APP: variants seen among roughly 807,000 people sequenced by gnomAD.
APP encodes the protein amyloid beta precursor protein.
APP carries 31 observed loss-of-function variants against 101.4 expected under a neutral mutation model. That is an observed-to-expected ratio of 0.31 (90% confidence interval 0.23 to 0.41). The LOEUF (loss-of-function observed/expected upper bound fraction) is 0.41, where lower values mean the gene tolerates loss of function less well. Among genes scored for constraint, APP ranks in the 10% least tolerant of loss-of-function variants. The probability of loss-of-function intolerance (pLI) is 1.00; values close to 1 mark genes in which losing one functional copy is unlikely to be tolerated. For synonymous variants in APP, 366 were observed against 364.4 expected (o/e 1.00, Z -0.05); for missense variants, 839 against 1,003.7 (o/e 0.84, Z 2.22).
At chr21:26,169,828 G>A (rs528949427) in intron 1 of APP, among the ~76,000 whole-genome samples, 1 of 152,332 alleles carries the variant, frequency 6.6e-6, no homozygotes, top group South Asian at 2.1e-4. Flanking sequence ...CCAGACTTGG[G>A]GAAGGCGCGG....
chr21:26,015,697 A>AG (rs2044023734), intron 6 of APP, among the ~76,000 whole-genome samples: 1 of 152,196 alleles, frequency 6.6e-6, no homozygotes, highest in Admixed American at 6.5e-5. Flanking sequence ...CCAAAAAAAA[A>AG]CAAACCCTAC....
chr21:26,159,223 G>A (rs1268347873), intron 1 of APP, among the ~76,000 whole-genome samples: 4 of 152,064 alleles, frequency 2.6e-5, no homozygotes, highest in Non-Finnish European at 5.9e-5. Flanking sequence ...GGGACTACAG[G>A]TGCCTGTCAC....
At chr21:26,141,940 C>G (rs1179410954) in intron 1 of APP, among the ~76,000 whole-genome samples, 1 of 152,192 alleles carries the variant, frequency 6.6e-6, no homozygotes, top group Admixed American at 6.5e-5. Flanking sequence ...CCGGTACATA[C>G]CCAATTACAT....
intron 13 of APP, among the ~76,000 whole-genome samples, chr21:25,943,343 CGG>C (rs2040659857): frequency 6.6e-6 from 1 of 151,624 alleles, no homozygotes; most frequent in African/African-American, 2.4e-5. Flanking sequence ...TTAGTAGAGA[CGG>C]GGTTTCTCCA....
chr21:25,929,301 G>C (rs2040040395), intron 13 of APP, among the ~76,000 whole-genome samples: 1 of 152,090 alleles, frequency 6.6e-6, no homozygotes, highest in Non-Finnish European at 1.5e-5. Flanking sequence ...CTAATTATAA[G>C]AGTAACATAA....
At chr21:26,163,851 A>C (rs528146046) in intron 1 of APP, among the ~76,000 whole-genome samples, 1 of 152,236 alleles carries the variant, frequency 6.6e-6, no homozygotes, top group African/African-American at 2.4e-5. Context: ...TTTTTGAGCA[A>C]CATATGCTGA....
intron 6 of APP, among the ~76,000 whole-genome samples, chr21:26,016,100 A>G (rs1365317421): frequency 1.3e-5 from 2 of 151,598 alleles, no homozygotes. Flanking sequence ...GCGCAATCTC[A>G]GCTCACTGCA....
intron 15 of APP, among the ~76,000 whole-genome samples, chr21:25,900,616 C>T (rs1267122401): frequency 1.3e-5 from 2 of 151,976 alleles, no homozygotes; most frequent in Non-Finnish European, 2.9e-5. Flanking sequence ...AACTATATTT[C>T]TGAGATTTTT....
At chr21:26,147,409 G>T (rs1007579297) in intron 1 of APP, among the ~76,000 whole-genome samples, 1 of 152,138 alleles carries the variant, frequency 6.6e-6, no homozygotes, top group Non-Finnish European at 1.5e-5. Flanking sequence ...TGCTAAAACC[G>T]ACTGGTGTAA....
intron 13 of APP, among the ~76,000 whole-genome samples, chr21:25,930,586 T>TTATATATATATATA (rs34986093): frequency 1.7e-4 from 25 of 150,056 alleles, no homozygotes; most frequent in African/African-American, 5.4e-4. Flanking sequence ...ATAGCACAAA[T>TTATATATATATATA]TATATATATA....
chr21:25,898,014 G>A lies in APP; in HGVS notation c.1964-341C>T, dbSNP rs375832930. 84 of 336,112 alleles carry A rather than the reference G, an allele frequency of 2.5e-4. 1 individual carries two copies. Among genetic ancestry groups the A allele is most frequent in the Admixed American group, 1.2e-3 (26 of 21,672 alleles). The allele number at this position is 336,112 out of a possible 1,614,324, so 20.8% of individuals were successfully genotyped here. On this transcript the variant is annotated intron_variant, in intron 15 of 17. Transcript: ENST00000346798. The stretch of plus-strand genomic sequence containing the variant: ...CCTGGAATATGTTGGCTTGGCTTAC[G>A]GGCTTATTGTTTAGCCTATTATGTG...
At chr21:25,896,321 A>G (rs1195867572) in intron 16 of APP, among the ~76,000 whole-genome samples, 12 of 152,130 alleles carry the variant, frequency 7.9e-5, no homozygotes, top group African/African-American at 2.9e-4. Flanking sequence ...TAAGGCATAA[A>G]TAATAATTTG....
chr21:26,122,616 T>C (rs1048590592), intron 1 of APP, among the ~76,000 whole-genome samples: 61 of 152,152 alleles, frequency 4.0e-4, no homozygotes, highest in Non-Finnish European at 7.9e-4. Flanking sequence ...AAAGCACTTA[T>C]ATGTTTTATC....
intron 1 of APP, among the ~76,000 whole-genome samples, chr21:26,162,187 G>C (rs990331908): frequency 6.6e-6 from 1 of 152,192 alleles, no homozygotes; most frequent in Non-Finnish European, 1.5e-5. Flanking sequence ...AAATTAGTCA[G>C]ATGTGGTGGC....
At chr21:26,083,608 A>G (rs758209911) in intron 3 of APP, among the ~76,000 whole-genome samples, 57 of 152,348 alleles carry the variant, frequency 3.7e-4, no homozygotes, top group East Asian at 1.9e-3. Flanking sequence ...CACATTTGCA[A>G]TTCTTAGCAT....
At chr21:25,915,029 C>A (rs1298002924) in intron 13 of APP, among the ~76,000 whole-genome samples, 3 of 152,214 alleles carry the variant, frequency 2.0e-5, no homozygotes, top group African/African-American at 7.2e-5. Context: ...GAATGGCTCC[C>A]TCTTTGTTTC....
intron 6 of APP, among the ~76,000 whole-genome samples, chr21:26,011,125 G>A (rs1277128425): frequency 1.3e-5 from 2 of 151,850 alleles, no homozygotes; most frequent in East Asian, 3.9e-4. Context: ...GCCGAGACTG[G>A]AGTGCAATGG....
chr21:26,001,583 C>T (rs1425010335), intron 6 of APP, among the ~76,000 whole-genome samples: 3 of 152,236 alleles, frequency 2.0e-5, no homozygotes, highest in Non-Finnish European at 4.4e-5. Flanking sequence ...ACTGCAACCT[C>T]TACCTCCTGA....
intron 1 of APP, among the ~76,000 whole-genome samples, chr21:26,152,418 G>C (rs1040564486): frequency 6.6e-6 from 1 of 151,216 alleles, no homozygotes; most frequent in Non-Finnish European, 1.5e-5. Context: ...TCCCTAAACA[G>C]ATTTACCCAT....
Sources: allele counts gnomAD v4.1 joint callset (sites outside exome capture counted in the v4.1 genomes callset), GRCh38; gene constraint gnomAD v4.1.1; transcripts MANE v1.5; gene names NCBI Gene and HGNC (gene_info 2026-07-23, HGNC 2026-07-21).